ZNF433: variants seen among roughly 807,000 people sequenced by gnomAD.
ZNF433 encodes zinc finger protein 433.
ZNF433 carries 12 observed loss-of-function variants against 10.6 expected under a neutral mutation model. The observed-to-expected ratio is 1.13, with a 90% confidence interval of 0.72 to 1.83. ZNF433 has a LOEUF of 1.83. Among genes scored for constraint, ZNF433 ranks in the 40% most tolerant of loss-of-function variants. The probability of loss-of-function intolerance (pLI) is 0.00; values close to 1 mark genes in which losing one functional copy is unlikely to be tolerated. For missense variants in ZNF433, 737 were observed against 798.0 expected (o/e 0.92, Z 0.92); for synonymous variants, 272 against 271.3 (o/e 1.00, Z -0.02).
Position 12,017,954 on chromosome 19 carries a change from G to A in ZNF433, c.131-18C>T. 6.5e-7 allele frequency: 1 copy of A among 1,541,226 alleles called. No individual in the cohort carries two copies. Among genetic ancestry groups the A allele is most frequent in the Non-Finnish European group, 8.8e-7 (1 of 1,140,014 alleles). On this transcript the variant is annotated intron_variant, in intron 2 of 3. Transcript: ENST00000550507. Reference sequence around the variant, plus strand: ...TTTTTTCCCTACAACACACAACAAGGAAAATAATCTTGAATTAGTATAAAA... The same window carrying A: ...TTTTTTCCCTACAACACACAACAAGAAAAATAATCTTGAATTAGTATAAAA...
chr19:12,023,892 A>G (rs148307887), intron 1 of ZNF433: 72 of 152,182 alleles, frequency 4.7e-4, no homozygotes, highest in African/African-American at 1.7e-3. Context: ...GAAATGGGGT[A>G]TGTCCTAGGA....
In ZNF433 at chr19:12,015,314, G is replaced by A. The variant is rs200647221; in HGVS notation, c.1544C>T (p.Ser515Leu). Residue 515 changes from serine to leucine, a missense_variant, in exon 4 of 4, where the codon TCG (serine) becomes TTG (leucine). Physicochemically the swap from Ser to Leu is moderately radical, Grantham distance 145. Coordinates refer to ENST00000550507, the MANE Select transcript of ZNF433 (RefSeq NM_001308348.2). ...CCTTCCATGATATCGAAAGGAGCTCGAACAGTTGAAGGATCTGCCACACTG... is the reference window on the plus strand; with the variant it reads ...CCTTCCATGATATCGAAAGGAGCTCAAACAGTTGAAGGATCTGCCACACTG... ...CKQCGRSFNC[S>L]SSFRYHGRTH... The A allele has an allele frequency of 8.2e-5, 133 of 1,613,704 alleles. No homozygotes were observed. Among genetic ancestry groups the A allele is most frequent in the Non-Finnish European group, 3.9e-5 (46 of 1,179,978 alleles).
chr19:12,017,649 G>T (rs1394299802), intron 3 of ZNF433, among the ~76,000 whole-genome samples: 1 of 152,010 alleles, frequency 6.6e-6, no homozygotes, highest in East Asian at 1.9e-4. Context: ...CAACCTCCTG[G>T]GCTCAAGTGA....
In ZNF433 at chr19:12,015,767, T is replaced by C. The variant is rs763018051; in HGVS notation, c.1091A>G (p.Lys364Arg). 6.2e-7 allele frequency: 1 copy of C among 1,613,890 alleles called. No individual in the cohort carries two copies. The highest frequency in any genetic ancestry group is 1.1e-5 in the South Asian group (1 of 91,012). ...LGMHTGEISH[K>R]CKICGKAFYS... ...AAAGGCTTTCCCACATATCTTACAT[T>C]TATGAGATATCTCTCCAGTGTGCAT... is the stretch of plus-strand genomic sequence containing the variant. The change falls in exon 4 of 4, where the codon AAA becomes AGA. Residue 364 changes from lysine (K) to arginine (R), a missense_variant. Lys to Arg is a conservative substitution (Grantham distance 26). Coordinates refer to ENST00000550507, the MANE Select transcript of ZNF433 (RefSeq NM_001308348.2).
At position 12,015,940 on chromosome 19, in the gene ZNF433, T is replaced by A. The variant is rs764776051; in HGVS notation, c.918A>T (p.Pro306=). The A allele has an allele frequency of 3.1e-6, 5 of 1,613,340 alleles. No homozygotes were observed. Among genetic ancestry groups the A allele is most frequent in the Non-Finnish European group, 3.4e-6 (4 of 1,179,766 alleles). ...IHERTHTGEK[P]YECKECGKAF... ...CTTTTCCACATTCCTTACATTCATA[T>A]GGCTTCTCCCCCGTGTGAGTTCTTT... The change falls in exon 4 of 4, where the codon CCA becomes CCT. Residue 306 remains proline (P), a synonymous_variant. Transcript: ENST00000550507.
At chr19:12,030,888 C>T (rs2145480830) in intron 1 of ZNF433, among the ~76,000 whole-genome samples, 1 of 152,218 alleles carries the variant, frequency 6.6e-6, no homozygotes. Context: ...CAAGCCTGAG[C>T]AACATGGTGA....
At chr19:12,018,079 C>T (rs1286872481) in intron 2 of ZNF433, 87 bp downstream of exon 2, 18 of 1,430,888 alleles carry the variant, frequency 1.3e-5, no homozygotes, top group Non-Finnish European at 1.7e-5. Flanking sequence ...CACTCAACAG[C>T]ATACATGAGC....
At chr19:12,016,829 C>T (rs979084671) in intron 3 of ZNF433, among the ~76,000 whole-genome samples, 163 bp from the exon 4 acceptor site, 4 of 151,970 alleles carry the variant, frequency 2.6e-5, no homozygotes, top group African/African-American at 9.7e-5. Flanking sequence ...CTGCAACTTC[C>T]ACCTCCTGAG....
intron 1 of ZNF433, among the ~76,000 whole-genome samples, chr19:12,032,566 C>G (rs1450382719): frequency 1.3e-5 from 2 of 151,854 alleles, no homozygotes; most frequent in African/African-American, 4.8e-5. Flanking sequence ...TCACTGCAGC[C>G]TCCACCTCCC....
At position 12,035,385 on chromosome 19, in the gene ZNF433, G is replaced by A. The variant is rs549882805; in HGVS notation, c.3+152C>T. On this transcript the variant is annotated intron_variant, in intron 1 of 3. Transcript: ENST00000550507. ...GGCGGCCGGCCCAGCCCCACTGTGG[G>A]GCCAAGGGGACCAAGGGCCGAGCTG... Among the ~76,000 whole-genome samples the A allele has an allele frequency of 3.3e-5, 5 of 152,266 alleles. No homozygotes were observed. In the East Asian group the frequency reaches 9.7e-4, roughly 29 times the overall value.
intron 1 of ZNF433, chr19:12,023,504 A>C (rs1974595020): frequency 6.6e-6 from 1 of 152,200 alleles, no homozygotes; most frequent in South Asian, 2.1e-4. Flanking sequence ...ACAAATAAAC[A>C]AGGCAAAGCA....
At chr19:12,020,488 AAAT>A (rs749573655) in intron 1 of ZNF433, among the ~76,000 whole-genome samples, 12 of 152,332 alleles carry the variant, frequency 7.9e-5, no homozygotes, top group South Asian at 6.2e-4. Context: ...TTAAAGTAAA[AAAT>A]AATAATTTAA....
intron 1 of ZNF433, among the ~76,000 whole-genome samples, chr19:12,019,061 A>T (rs1599355523): frequency 6.7e-6 from 1 of 150,286 alleles, no homozygotes; most frequent in Non-Finnish European, 1.5e-5. Flanking sequence ...ATAAAAAAAA[A>T]AAAAAAAAAA....
rs985015234 is a variant in ZNF433 at position 12,019,053 on chromosome 19, A to T, written c.4-761T>A. On this transcript the variant is annotated intron_variant, in intron 1 of 3. Transcript: ENST00000550507. Reference sequence around the variant, plus strand: ...TGACAGAGCAAGACTCCATCTTAATAAAAAAAAAAAAAAAAAAAAAAAAAT... The same window carrying T: ...TGACAGAGCAAGACTCCATCTTAATTAAAAAAAAAAAAAAAAAAAAAAAAT... 5.5e-4 allele frequency among the ~76,000 whole-genome samples: 51 copies of T among 92,742 alleles called. No homozygotes were observed. In the East Asian group the frequency reaches 9.7e-3, roughly 18 times the overall value. The allele number at this position is 92,742 out of a possible 152,430, so 60.8% of individuals were successfully genotyped here.
chr19:12,034,525 A>AAC lies in ZNF433; in HGVS notation c.3+1010_3+1011dup. The AAC allele has an allele frequency of 2.0e-5, 5 of 255,234 alleles. No individual in the cohort carries two copies. The South Asian group carries it at 2.3e-4, about 12-fold the overall frequency. 15.8% of individuals were successfully genotyped at this position (255,234 alleles called of 1,614,324 possible). On this transcript the variant is annotated intron_variant, in intron 1 of 3. Coordinates refer to ENST00000550507, the MANE Select transcript of ZNF433 (RefSeq NM_001308348.2). ...TTAAAACAGACATCAGCCAACTGGA[A>AAC]ACACAGACTCTCTGTGACAATAAGA...
rs1050903602 is a variant in ZNF433 at position 12,035,484 on chromosome 19, C to T, written c.3+53G>A. On this transcript the variant is annotated intron_variant, in intron 1 of 3. Coordinates refer to ENST00000550507, the MANE Select transcript of ZNF433 (RefSeq NM_001308348.2). ...CGGGTCCCACCACAGCCGGTTCCGG[C>T]CGGTTCCAACCAGCTCCTCCCCCGC... The T allele has an allele frequency of 1.2e-5, 18 of 1,556,302 alleles. No individual in the cohort carries two copies. The East Asian group carries it at 4.1e-4, about 36-fold the overall frequency.
intron 3 of ZNF433, 111 bp downstream of exon 3, chr19:12,017,765 A>G (rs1974280494): frequency 2.6e-6 from 2 of 760,022 alleles, no homozygotes; most frequent in East Asian, 2.8e-5. Context: ...CTAAGAATAA[A>G]TAGATTGAAA....
chr19:12,017,085 T>C (rs1974245161), intron 3 of ZNF433, among the ~76,000 whole-genome samples: 1 of 152,132 alleles, frequency 6.6e-6, no homozygotes, highest in Admixed American at 6.5e-5. Context: ...GTAGGCTTTC[T>C]GCCCTGTCTG....
intron 1 of ZNF433, chr19:12,027,065 A>C (rs767915883): frequency 2.2e-6 from 1 of 447,592 alleles, no homozygotes; most frequent in Non-Finnish European, 4.4e-6. Flanking sequence ...AAACTTGGAT[A>C]TTGCAAAATT....
Sources: allele counts gnomAD v4.1 joint callset (sites outside exome capture counted in the v4.1 genomes callset), GRCh38; gene constraint gnomAD v4.1.1; transcripts MANE v1.5; gene names NCBI Gene and HGNC (gene_info 2026-07-23, HGNC 2026-07-21).